EFCAB11: variants seen among roughly 807,000 people sequenced by gnomAD.
EFCAB11 encodes the protein EF-hand calcium-binding domain-containing protein 11.
EFCAB11 carries 14 observed loss-of-function variants against 23.0 expected under a neutral mutation model. The observed-to-expected ratio is 0.61, with a 90% confidence interval of 0.40 to 0.95. The LOEUF (loss-of-function observed/expected upper bound fraction) is 0.95, where lower values mean the gene tolerates loss of function less well. Among genes scored for constraint, EFCAB11 ranks in the 40% least tolerant of loss-of-function variants. EFCAB11 has a pLI of 0.00. For missense variants in EFCAB11, 198 were observed against 195.8 expected, an observed-to-expected ratio of 1.01 and a Z score of -0.07; for synonymous variants, 65 against 66.6, an observed-to-expected ratio of 0.98 and a Z score of 0.11.
chr14:89,939,023 A>G (rs766820193), intron 3 of EFCAB11, among the ~76,000 whole-genome samples: 1 of 152,066 alleles, frequency 6.6e-6, no homozygotes, highest in Non-Finnish European at 1.5e-5. Flanking sequence ...CTGAACCAAT[A>G]AAATCTTATT....
intron 5 of EFCAB11, among the ~76,000 whole-genome samples, chr14:89,809,704 G>A (rs558896259): frequency 3.9e-5 from 6 of 152,132 alleles, no homozygotes; most frequent in Non-Finnish European, 7.4e-5. Context: ...GAGACAACTC[G>A]GCATTTTTAG....
intron 5 of EFCAB11, chr14:89,924,534 A>G: frequency 1.3e-6 from 2 of 1,489,994 alleles, no homozygotes; most frequent in Non-Finnish European, 1.8e-6. Context: ...GAAGGTTCCT[A>G]GGCATGGAGA....
In EFCAB11 at chr14:89,950,145, A is replaced by C. The variant is rs1268216303; in HGVS notation, c.172-3T>G. ...GACATCACAGAATCCACTTCTATCTAGAAAAGAGGAAAAAATAATAGAACA... is the reference window on the plus strand; with the variant it reads ...GACATCACAGAATCCACTTCTATCTCGAAAAGAGGAAAAAATAATAGAACA... On this transcript the variant is annotated splice_polypyrimidine_tract_variant and splice_region_variant and intron_variant, in intron 2 of 5. Coordinates refer to ENST00000316738, the MANE Select transcript of EFCAB11 (RefSeq NM_145231.4). The C allele has an allele frequency of 6.4e-7, 1 of 1,556,480 alleles. No individual in the cohort carries two copies. Among genetic ancestry groups the C allele is most frequent in the East Asian group, 2.3e-5 (1 of 43,368 alleles).
At chr14:89,886,517 C>CAAAAAAA (rs762288481) in intron 5 of EFCAB11, among the ~76,000 whole-genome samples, 1 of 14,882 alleles carries the variant, frequency 6.7e-5, no homozygotes, top group Admixed American at 1.3e-3. Flanking sequence ...AACTCCGTCT[C>CAAAAAAA]AAAAAAAAAA....
intron 5 of EFCAB11, among the ~76,000 whole-genome samples, chr14:89,842,702 G>A (rs1210062968): frequency 6.6e-6 from 1 of 152,088 alleles, no homozygotes; most frequent in East Asian, 1.9e-4. Context: ...CCTCAGAGGA[G>A]GTCCTGCCTC....
At chr14:89,827,881 C>G (rs1367750472) in intron 5 of EFCAB11, among the ~76,000 whole-genome samples, 1 of 152,136 alleles carries the variant, frequency 6.6e-6, no homozygotes, top group East Asian at 1.9e-4. Flanking sequence ...GATCCGCCTG[C>G]CTCGGCCTCC....
intron 5 of EFCAB11, among the ~76,000 whole-genome samples, chr14:89,852,619 C>G (rs1049104658): frequency 1.3e-5 from 2 of 152,134 alleles, no homozygotes; most frequent in African/African-American, 4.8e-5. Flanking sequence ...TCTTGGTTTC[C>G]TGAAATTATG....
chr14:89,810,848 T>C (rs1260896568), intron 5 of EFCAB11, among the ~76,000 whole-genome samples: 2 of 151,776 alleles, frequency 1.3e-5, no homozygotes, highest in African/African-American at 2.4e-5. Flanking sequence ...GCACAGTAGG[T>C]TCTGAAGATA....
intron 5 of EFCAB11, among the ~76,000 whole-genome samples, chr14:89,832,592 G>T (rs752005472): frequency 1.8e-4 from 28 of 152,094 alleles, no homozygotes; most frequent in Admixed American, 6.5e-4. Flanking sequence ...ATTTACCATT[G>T]TAAGTTGTAA....
chr14:89,921,567 G>C (rs1890022077), intron 5 of EFCAB11, among the ~76,000 whole-genome samples: 1 of 152,192 alleles, frequency 6.6e-6, no homozygotes, highest in African/African-American at 2.4e-5. Context: ...TTGCTAATAA[G>C]CTCCCTGATG....
At chr14:89,800,940 G>T (rs1161734152) in intron 5 of EFCAB11, among the ~76,000 whole-genome samples, 1 of 151,954 alleles carries the variant, frequency 6.6e-6, no homozygotes, top group Non-Finnish European at 1.5e-5. Flanking sequence ...CTACTCGGGA[G>T]GCTGAGGCAG....
intron 5 of EFCAB11, among the ~76,000 whole-genome samples, chr14:89,805,185 G>T (rs1885927257): frequency 6.6e-6 from 1 of 152,172 alleles, no homozygotes; most frequent in Non-Finnish European, 1.5e-5. Flanking sequence ...GACATTGTTT[G>T]CGTCTTCCCC....
chr14:89,903,139 T>C (rs1329560869), intron 5 of EFCAB11, among the ~76,000 whole-genome samples: 2 of 152,210 alleles, frequency 1.3e-5, no homozygotes, highest in African/African-American at 4.8e-5. Flanking sequence ...AATAACTGTG[T>C]TTTACTGAAT....
chr14:89,885,882 C>T (rs1042141846), intron 5 of EFCAB11, among the ~76,000 whole-genome samples: 3 of 144,030 alleles, frequency 2.1e-5, no homozygotes, highest in East Asian at 2.0e-4. Context: ...TTGTTTTTTT[C>T]TTTTTTTTTC....
chr14:89,821,104 C>T (rs1026338674), intron 5 of EFCAB11, among the ~76,000 whole-genome samples: 29 of 152,048 alleles, frequency 1.9e-4, no homozygotes, highest in African/African-American at 6.8e-4. Context: ...TTGAGCAATC[C>T]TCCTGCCTTG....
At chr14:89,821,154 G>A (rs964517554) in intron 5 of EFCAB11, among the ~76,000 whole-genome samples, 7 of 152,108 alleles carry the variant, frequency 4.6e-5, no homozygotes, top group Admixed American at 4.6e-4. Context: ...GAACCACTGT[G>A]CTGGGCAGTG....
intron 3 of EFCAB11, among the ~76,000 whole-genome samples, chr14:89,939,109 A>G (rs550754089): frequency 6.6e-6 from 1 of 152,252 alleles, no homozygotes; most frequent in East Asian, 1.9e-4. Flanking sequence ...AAGGTTCCTC[A>G]GTGTCAAACA....
chr14:89,844,313 G>T (rs1183710939), intron 5 of EFCAB11, among the ~76,000 whole-genome samples: 1 of 152,148 alleles, frequency 6.6e-6, no homozygotes, highest in African/African-American at 2.4e-5. Flanking sequence ...AAACTGTGAG[G>T]ACAAGGGGGT....
At chr14:89,858,983 A>C (rs548538783) in intron 5 of EFCAB11, among the ~76,000 whole-genome samples, 3 of 152,296 alleles carry the variant, frequency 2.0e-5, no homozygotes, top group African/African-American at 7.2e-5. Flanking sequence ...AAATACTAGA[A>C]TTATATGACT....
Sources: allele counts gnomAD v4.1 joint callset (sites outside exome capture counted in the v4.1 genomes callset), GRCh38; gene constraint gnomAD v4.1.1; transcripts MANE v1.5; gene names NCBI Gene and HGNC (gene_info 2026-07-23, HGNC 2026-07-21).